CAPN5: variants seen among roughly 807,000 people sequenced by gnomAD.
CAPN5 encodes calpain 5, also known as calpain-5.
Under a neutral mutation model 73.0 loss-of-function variants are expected in CAPN5, and 54 were observed. The observed-to-expected ratio is 0.74, with a 90% CI of 0.59 to 0.93. The LOEUF is 0.93. Ranked by LOEUF, CAPN5 falls within the 40% of genes least tolerant of loss-of-function variation. CAPN5 has a pLI of 0.00. For synonymous variants in CAPN5, 335 were observed against 356.9 expected (o/e 0.94, Z 0.69); for missense variants, 785 against 882.9 (o/e 0.89, Z 1.41).
rs180819586 is a variant in CAPN5, at chr11:77,080,691, C to T, written c.-35-4161C>T. On this transcript the variant is annotated intron_variant, in intron 1 of 12. Coordinates refer to ENST00000648180, the MANE Select transcript of CAPN5 (RefSeq NM_004055.5). The stretch of plus-strand genomic sequence containing the variant: ...CCTGGAAGAGGAGTACCAACCATGT[C>T]CCAGGTGAGGATAGACTGAGCTTCC... Among the ~76,000 whole-genome samples the T allele has an allele frequency of 6.7e-4, 102 of 152,310 alleles. 1 individual carries two copies. The highest frequency in any genetic ancestry group is 1.2e-3 in the Non-Finnish European group (83 of 68,022).
intron 3 of CAPN5, among the ~76,000 whole-genome samples, chr11:77,100,369 C>G (rs993777090): frequency 1.3e-5 from 2 of 151,884 alleles, no homozygotes; most frequent in South Asian, 4.2e-4. Context: ...CCTCCCCTCC[C>G]TCTTCCATTC....
rs373423261 is a variant in CAPN5 at position 77,103,327 on chromosome 11, T to C, written c.298-9262T>C. Reference sequence around the variant, plus strand: ...AAGGCCTCCGTGGTTTTTAACCAGCTCTGACAGCAGCTGCCAGCTGCTGCT... The same window carrying C: ...AAGGCCTCCGTGGTTTTTAACCAGCCCTGACAGCAGCTGCCAGCTGCTGCT... On this transcript the variant is annotated intron_variant, in intron 3 of 12. Transcript: ENST00000648180. 52 of 1,605,846 alleles carry C rather than the reference T, an allele frequency of 3.2e-5. No homozygotes were observed. The African/African-American group carries it at 6.3e-4, about 19-fold the overall frequency.
intron 5 of CAPN5, 35 bp downstream of exon 5, chr11:77,114,469 C>T (rs781991717): frequency 6.3e-7 from 1 of 1,578,770 alleles, no homozygotes. Context: ...GCGACCCCTC[C>T]CCTTCACCCT....
intron 1 of CAPN5, among the ~76,000 whole-genome samples, chr11:77,077,377 A>AGTCTTTTTTTATAAAAGACATATCTTTT (rs1565255964): frequency 7.9e-5 from 12 of 152,020 alleles, no homozygotes; most frequent in African/African-American, 2.9e-4. Context: ...ATTTTAAAAA[A>AGTCTTTTTTTATAAAAGACATATCTTTT]GTCTTTTTTT....
chr11:77,070,538 T>A (rs1591105907), intron 1 of CAPN5, among the ~76,000 whole-genome samples: 2 of 152,346 alleles, frequency 1.3e-5, no homozygotes, highest in East Asian at 3.9e-4. Flanking sequence ...AGAACTTCAT[T>A]TCCCTCATGG....
intron 2 of CAPN5, among the ~76,000 whole-genome samples, chr11:77,085,884 G>A (rs1403196390): frequency 3.3e-5 from 5 of 152,208 alleles, no homozygotes; most frequent in Non-Finnish European, 1.5e-5. Context: ...GACACTGAGG[G>A]TCGTCCCCTC....
chr11:77,075,527 T>C (rs971496114), intron 1 of CAPN5, among the ~76,000 whole-genome samples: 3 of 152,134 alleles, frequency 2.0e-5, no homozygotes, highest in African/African-American at 4.8e-5. Context: ...TGGGGCACTT[T>C]CCCACTCCGC....
Position 77,093,808 on chromosome 11 carries a change from CA to C in CAPN5, c.296del (p.Lys99ArgfsTer64). 1 of 1,610,112 alleles carries C rather than the reference CA, an allele frequency of 6.2e-7. No homozygotes were observed. ...ACTTGCCTCCCGGGAGTCGCTGTGG[CA>C]AAAGGTGAGGCCTCGGGCAGAGTGG... is the stretch of plus-strand genomic sequence containing the variant. Reference protein sequence around the residue: ...SSLASRESLWQKVIPDWKEQE... With the variant: ...SSLASRESLWXKVIPDWKEQE... On this transcript the variant is annotated frameshift_variant, in exon 3 of 13. Transcript: ENST00000648180. LOFTEE classifies it high-confidence loss of function.
At chr11:77,080,858 C>T (rs1024022920) in intron 1 of CAPN5, among the ~76,000 whole-genome samples, 29 of 152,208 alleles carry the variant, frequency 1.9e-4, no homozygotes, top group African/African-American at 6.8e-4. Context: ...CACACAGCAG[C>T]TAAATGATGC....
chr11:77,120,847 C>T lies in CAPN5; in HGVS notation c.1425C>T (p.Phe475=), dbSNP rs200155687. Reference sequence around the variant, plus strand: ...GCTATGTCATCATCCCCACAACCTTCGAGCCAGGCCACACTGGCGAGTTCC... The same window carrying T: ...GCTATGTCATCATCCCCACAACCTTTGAGCCAGGCCACACTGGCGAGTTCC... ...EGRYVIIPTT[F]EPGHTGEFLL... Residue 475 remains phenylalanine, a synonymous_variant, in exon 10 of 13, where the codon TTC becomes TTT. Coordinates refer to ENST00000648180, the MANE Select transcript of CAPN5 (RefSeq NM_004055.5). 961 of 1,614,152 alleles carry T rather than the reference C, an allele frequency of 6.0e-4. No homozygotes were observed. The highest frequency in any genetic ancestry group is 7.0e-4 in the Admixed American group (42 of 60,024).
chr11:77,084,806 G>A (rs1950065034), intron 1 of CAPN5, 46 bp from the exon 2 acceptor site: 3 of 1,552,622 alleles, frequency 1.9e-6, no homozygotes, highest in South Asian at 1.1e-5. Context: ...GCACATCAGG[G>A]ACCCAGGGAC....
rs140475276 is a variant in CAPN5 at position 77,103,080 on chromosome 11, A to C, written c.297+9267A>C. ...GGACAAGCCGGGCAAGGTCACCATC[A>C]CAGGCACCTCGCAGAACTGGACGCC... On this transcript the variant is annotated intron_variant, in intron 3 of 12. Transcript: ENST00000648180. The C allele has an allele frequency of 5.0e-6, 8 of 1,613,818 alleles. No individual in the cohort carries two copies. The African/African-American group carries it at 9.3e-5, about 19-fold the overall frequency.
chr11:77,118,226 C>T lies in CAPN5; in HGVS notation c.1041C>T (p.His347=), dbSNP rs1555042080. 1.9e-6 allele frequency: 3 copies of T among 1,614,198 alleles called. No homozygotes were observed. Among genetic ancestry groups the T allele is most frequent in the Non-Finnish European group, 2.5e-6 (3 of 1,180,036 alleles). Residue 347 remains histidine (H), a synonymous_variant, in exon 8 of 13, where the codon CAC becomes CAT. Coordinates refer to ENST00000648180, the MANE Select transcript of CAPN5 (RefSeq NM_004055.5). ...IIKCRVINTS[H]LSIHKTWEEA... is the part of the protein sequence containing the mutation. ...AGTGCCGCGTGATCAACACATCCCACCTGAGCATCCACAAGACGTGGGAGG... is the reference window on the plus strand; with the variant it reads ...AGTGCCGCGTGATCAACACATCCCATCTGAGCATCCACAAGACGTGGGAGG...
chr11:77,078,888 A>T (rs1950000202), intron 1 of CAPN5, among the ~76,000 whole-genome samples: 1 of 152,144 alleles, frequency 6.6e-6, no homozygotes, highest in African/African-American at 2.4e-5. Context: ...GTGTGTTGTT[A>T]GTATATAAAA....
chr11:77,119,794 G>GT (rs1950505451), intron 9 of CAPN5: 1 of 153,972 alleles, frequency 6.5e-6, no homozygotes, highest in Non-Finnish European at 1.4e-5. Context: ...GTGGCACTTT[G>GT]TTTATACTCT....
At chr11:77,122,537 A>T in intron 11 of CAPN5, 39 bp from the exon 12 acceptor site, 1 of 427,572 alleles carries the variant, frequency 2.3e-6, no homozygotes, top group Non-Finnish European at 4.4e-6. Context: ...CACAGCCCCC[A>T]CCCCCACCCT....
At chr11:77,113,717 T>C (rs1448726400) in intron 4 of CAPN5, among the ~76,000 whole-genome samples, 1 of 74,906 alleles carries the variant, frequency 1.3e-5, no homozygotes, top group Admixed American at 1.2e-4. Context: ...GGCCACTGAG[T>C]CTCCACCACC....
chr11:77,095,291 C>G (rs868962243), intron 3 of CAPN5, among the ~76,000 whole-genome samples: 1 of 152,190 alleles, frequency 6.6e-6, no homozygotes, highest in Non-Finnish European at 1.5e-5. Flanking sequence ...GCTCCCACCC[C>G]CTTCTCTGAG....
At chr11:77,099,707 TG>T (rs1190609423) in intron 3 of CAPN5, among the ~76,000 whole-genome samples, 1,325 of 71,652 alleles carry the variant, frequency 0.018, 18 homozygotes, top group African/African-American at 0.069. Context: ...AGGGAGACCG[TG>T]GGGAGAGGGA....
Sources: allele counts gnomAD v4.1 joint callset (sites outside exome capture counted in the v4.1 genomes callset), GRCh38; gene constraint gnomAD v4.1.1; transcripts MANE v1.5; gene names NCBI Gene and HGNC (gene_info 2026-07-23, HGNC 2026-07-21).